The following KDM4B variants were observed in gnomAD, a reference collection of about 807,000 sequenced individuals.
KDM4B encodes lysine demethylase 4B, also known as lysine-specific demethylase 4B.
Under a neutral mutation model 125.2 loss-of-function variants are expected in KDM4B, and 32 were observed. The observed-to-expected ratio is 0.26, with a 90% confidence interval of 0.19 to 0.34. The LOEUF (loss-of-function observed/expected upper bound fraction) is 0.34, where lower values mean the gene tolerates loss of function less well. KDM4B is among the 10% of genes least tolerant of loss of function. KDM4B has a pLI of 1.00. For missense variants in KDM4B, 1,190 were observed against 1,577.7 expected (o/e 0.75, Z 4.16); for synonymous variants, 721 against 677.9 (o/e 1.06, Z -0.99).
chr19:5,052,564 T>C (rs981988757), intron 6 of KDM4B, among the ~76,000 whole-genome samples: 3 of 152,096 alleles, frequency 2.0e-5, no homozygotes, highest in Admixed American at 2.0e-4. Context: ...TAACTGCCCC[T>C]CAGGACCTCC....
intron 1 of KDM4B, among the ~76,000 whole-genome samples, chr19:5,000,441 C>G (rs1483512083): frequency 6.6e-6 from 1 of 151,768 alleles, no homozygotes; most frequent in East Asian, 1.9e-4. Flanking sequence ...ATTCATCCAT[C>G]CATCCATCCA....
intron 13 of KDM4B, 145 bp downstream of exon 13, chr19:5,132,152 CGTAG>C: frequency 9.4e-7 from 1 of 1,061,894 alleles, no homozygotes; most frequent in Non-Finnish European, 1.3e-6. Context: ...GTGGCTCTGC[CGTAG>C]CGACAGGCTG....
rs762651029 is a variant in KDM4B at position 5,110,782 on chromosome 19, C to T, written c.1079C>T (p.Ala360Val). 7 of 1,602,912 alleles carry T rather than the reference C, an allele frequency of 4.4e-6. No homozygotes were observed. Among genetic ancestry groups the T allele is most frequent in the African/African-American group, 1.3e-5 (1 of 74,766 alleles). ...LTSPELSSWS[A>V]SRASLKAKLL... ...AGCCCCGAGCTGAGCTCCTGGAGTG[C>T]ATCCCGGGCCTCGCTGAAGGCCAAG... The change falls in exon 10 of 23, where the codon GCA (alanine) becomes GTA (valine). Residue 360 changes from alanine to valine, a missense_variant. Physicochemically the swap from Ala to Val is moderately conservative, Grantham distance 64. Transcript: ENST00000159111.
At chr19:4,979,743 C>G (rs2034572315) in intron 1 of KDM4B, among the ~76,000 whole-genome samples, 1 of 152,166 alleles carries the variant, frequency 6.6e-6, no homozygotes, top group Admixed American at 6.5e-5. Flanking sequence ...AATGATCCTG[C>G]CATTTTAAAA....
chr19:4,972,075 C>G (rs2034279771), intron 1 of KDM4B, among the ~76,000 whole-genome samples: 1 of 152,228 alleles, frequency 6.6e-6, no homozygotes, highest in Non-Finnish European at 1.5e-5. Flanking sequence ...TCGATGGGGT[C>G]TTCAGATGCC....
chr19:5,062,307 G>T (rs1359504529), intron 6 of KDM4B, among the ~76,000 whole-genome samples: 1 of 152,232 alleles, frequency 6.6e-6, no homozygotes. Flanking sequence ...TCTCCAGACT[G>T]ACCTGTGGGG....
intron 1 of KDM4B, among the ~76,000 whole-genome samples, chr19:5,013,924 A>G (rs1457384313): frequency 2.0e-5 from 3 of 152,206 alleles, no homozygotes; most frequent in Non-Finnish European, 4.4e-5. Flanking sequence ...AGAGGTCGTG[A>G]AGCCCTTTGC....
intron 9 of KDM4B, among the ~76,000 whole-genome samples, chr19:5,092,930 C>T (rs530799024): frequency 8.5e-5 from 13 of 152,274 alleles, no homozygotes; most frequent in East Asian, 3.9e-4. Flanking sequence ...CAGGGGAGGC[C>T]GGGCCCCTGT....
chr19:5,032,733 C>T lies in KDM4B; in HGVS notation c.-25-133C>T, dbSNP rs748890929. ...GTTTTCTCTTCTGCCCTCACTCAGC[C>T]GCGAGGGCCCAGCCGCCTTTGTCCT... is the stretch of plus-strand genomic sequence containing the variant. On this transcript the variant is annotated intron_variant, in intron 2 of 22. Transcript: ENST00000159111. 6.4e-5 allele frequency: 49 copies of T among 762,774 alleles called. 1 individual carries two copies. The highest frequency in any genetic ancestry group is 4.0e-4 in the Middle Eastern group (1 of 2,504). 47.3% of individuals were successfully genotyped at this position (762,774 alleles called of 1,614,324 possible).
chr19:5,086,697 A>G (rs1409015208), intron 9 of KDM4B, among the ~76,000 whole-genome samples: 1 of 152,006 alleles, frequency 6.6e-6, no homozygotes, highest in Non-Finnish European at 1.5e-5. Context: ...CTCCGAAAGC[A>G]GGTTGGCCCC....
chr19:4,979,128 GA>G (rs1170690511), intron 1 of KDM4B, among the ~76,000 whole-genome samples: 1 of 152,016 alleles, frequency 6.6e-6, no homozygotes, highest in South Asian at 2.1e-4. Flanking sequence ...ACAAAAACTA[GA>G]AAAAATTTGC....
intron 2 of KDM4B, among the ~76,000 whole-genome samples, chr19:5,023,984 C>T (rs2036204251): frequency 6.6e-6 from 1 of 151,908 alleles, no homozygotes; most frequent in South Asian, 2.1e-4. Flanking sequence ...ACATCTAGCC[C>T]CAAGTGATCA....
At chr19:4,972,751 A>G (rs1008636509) in intron 1 of KDM4B, among the ~76,000 whole-genome samples, 3 of 151,858 alleles carry the variant, frequency 2.0e-5, no homozygotes, top group Non-Finnish European at 4.4e-5. Flanking sequence ...GCAGTGAGTG[A>G]CTCCTATTTG....
intron 6 of KDM4B, among the ~76,000 whole-genome samples, chr19:5,070,377 C>G (rs1373143664): frequency 1.3e-5 from 2 of 152,244 alleles, no homozygotes; most frequent in South Asian, 2.1e-4. Flanking sequence ...ATGCCACCCC[C>G]ACTTCGCTTC....
chr19:5,088,876 A>G (rs1009660943), intron 9 of KDM4B, among the ~76,000 whole-genome samples: 4 of 152,292 alleles, frequency 2.6e-5, no homozygotes, highest in Admixed American at 1.3e-4. Flanking sequence ...CATCTCTGCC[A>G]TCCGCTCAGC....
chr19:4,993,267 G>A (rs1300845034), intron 1 of KDM4B, among the ~76,000 whole-genome samples: 1 of 152,062 alleles, frequency 6.6e-6, no homozygotes, highest in East Asian at 1.9e-4. Context: ...AAAATTAGCC[G>A]AGTGTGGTGG....
intron 9 of KDM4B, among the ~76,000 whole-genome samples, chr19:5,092,210 G>A (rs913024350): frequency 2.6e-5 from 4 of 152,180 alleles, no homozygotes; most frequent in Admixed American, 6.5e-5. Flanking sequence ...TCGGCACTGC[G>A]GACATTGGGG....
chr19:5,138,219 C>T, intron 18 of KDM4B, 149 bp downstream of exon 18: 2 of 607,872 alleles, frequency 3.3e-6, no homozygotes, highest in South Asian at 2.0e-5. Flanking sequence ...AGCCAGTGAT[C>T]CCGACTTCAG....
At chr19:5,019,449 CGT>C (rs2036009686) in intron 2 of KDM4B, among the ~76,000 whole-genome samples, 1 of 66,414 alleles carries the variant, frequency 1.5e-5, no homozygotes, top group East Asian at 5.2e-4. Context: ...TGTTGGTGTG[CGT>C]GTTGGTGTGC....
Sources: allele counts gnomAD v4.1 joint callset (sites outside exome capture counted in the v4.1 genomes callset), GRCh38; gene constraint gnomAD v4.1.1; transcripts MANE v1.5; gene names NCBI Gene and HGNC (gene_info 2026-07-23, HGNC 2026-07-21).